Variants in ROBO1 observed in about 807,000 individuals in gnomAD.
ROBO1 encodes the protein roundabout homolog 1.
Under a neutral mutation model 195.9 loss-of-function variants are expected in ROBO1, and 149 were observed. The ratio of observed to expected loss-of-function variants is 0.76; its 90% CI spans 0.67 to 0.87. The LOEUF (loss-of-function observed/expected upper bound fraction) is 0.87, where lower values mean the gene tolerates loss of function less well. ROBO1 is among the 40% of genes least tolerant of loss of function. The probability of loss-of-function intolerance (pLI) is 0.00; values close to 1 mark genes in which losing one functional copy is unlikely to be tolerated. For missense variants in ROBO1, 1,933 were observed against 2,068.3 expected, an observed-to-expected ratio of 0.93 and a Z score of 1.27; for synonymous variants, 816 against 733.2, an observed-to-expected ratio of 1.11 and a Z score of -1.82.
In ROBO1 at chr3:79,757,732, G is replaced by C. The variant is rs181930376; in HGVS notation, c.-51+10020C>G. Among the ~76,000 whole-genome samples, 127 of 152,108 alleles carry C rather than the reference G, an allele frequency of 8.3e-4. 1 individual carries two copies. The highest frequency in any genetic ancestry group is 1.2e-3 in the Non-Finnish European group (84 of 67,978). On this transcript the variant is annotated intron_variant, in intron 1 of 30. Transcript: ENST00000464233. ...CCCTAATGGAAATTAATGTCAAATTGAATCCAATATTTGAAAAAGAGGACA... is the reference window on the plus strand; with the variant it reads ...CCCTAATGGAAATTAATGTCAAATTCAATCCAATATTTGAAAAAGAGGACA...
At chr3:79,437,281 A>G (rs1334455446) in intron 2 of ROBO1, among the ~76,000 whole-genome samples, 1 of 152,018 alleles carries the variant, frequency 6.6e-6, no homozygotes, top group Non-Finnish European at 1.5e-5. Context: ...ATATTGCCCA[A>G]GTTAATATGA....
intron 2 of ROBO1, among the ~76,000 whole-genome samples, chr3:79,291,714 C>T (rs572911575): frequency 2.0e-5 from 3 of 152,230 alleles, no homozygotes; most frequent in African/African-American, 7.2e-5. Flanking sequence ...CTTGTGAATT[C>T]TGGTTACTTT....
intron 4 of ROBO1, among the ~76,000 whole-genome samples, chr3:78,825,171 A>G (rs2031471509): frequency 6.6e-6 from 1 of 152,210 alleles, no homozygotes; most frequent in African/African-American, 2.4e-5. Context: ...AATACCCTAT[A>G]TAGTTCCCAT....
At chr3:79,013,094 C>G (rs1020291079) in intron 3 of ROBO1, among the ~76,000 whole-genome samples, 1 of 151,846 alleles carries the variant, frequency 6.6e-6, no homozygotes, top group Non-Finnish European at 1.5e-5. Flanking sequence ...GAACAGCAGT[C>G]AAGCAGAAGG....
intron 2 of ROBO1, among the ~76,000 whole-genome samples, chr3:79,531,273 T>G (rs1941650157): frequency 1.3e-5 from 2 of 152,172 alleles, no homozygotes; most frequent in African/African-American, 4.8e-5. Context: ...CTAATTTATA[T>G]TAATAAATTA....
At chr3:79,752,761 C>T (rs1704190190) in intron 1 of ROBO1, among the ~76,000 whole-genome samples, 2 of 152,106 alleles carry the variant, frequency 1.3e-5, no homozygotes, top group South Asian at 4.1e-4. Flanking sequence ...CAAAATTCCA[C>T]ACAGGAGATG....
chr3:78,984,597 G>T (rs6548603), intron 3 of ROBO1, among the ~76,000 whole-genome samples: 151,221 of 152,346 alleles, frequency 0.99, 75,059 homozygotes, highest in East Asian at 1. Context: ...CTCTCAGAGC[G>T]GTATGATGAG....
chr3:79,372,825 T>C (rs2036248070), intron 2 of ROBO1, among the ~76,000 whole-genome samples: 1 of 152,116 alleles, frequency 6.6e-6, no homozygotes, highest in Non-Finnish European at 1.5e-5. Context: ...ATGTAAAACA[T>C]AGTCTATAGA....
intron 4 of ROBO1, among the ~76,000 whole-genome samples, chr3:78,847,155 C>T (rs1356669943): frequency 1.3e-5 from 2 of 152,044 alleles, no homozygotes; most frequent in Non-Finnish European, 2.9e-5. Context: ...AGGGGAAATC[C>T]TCTTAGATTC....
chr3:78,945,739 C>G (rs149422641), intron 3 of ROBO1, among the ~76,000 whole-genome samples: 3 of 152,088 alleles, frequency 2.0e-5, no homozygotes, highest in African/African-American at 7.2e-5. Flanking sequence ...GGAGGAAATT[C>G]AAACCAATGG....
At chr3:78,814,628 A>T (rs1272589516) in intron 4 of ROBO1, among the ~76,000 whole-genome samples, 1 of 152,150 alleles carries the variant, frequency 6.6e-6, no homozygotes, top group African/African-American at 2.4e-5. Flanking sequence ...CAGCCCGCTC[A>T]TAAACGATGA....
At chr3:78,912,119 G>A (rs2038278801) in intron 4 of ROBO1, among the ~76,000 whole-genome samples, 1 of 151,992 alleles carries the variant, frequency 6.6e-6, no homozygotes, top group South Asian at 2.1e-4. Context: ...CTTTATAGAT[G>A]AGCCTAAAGA....
intron 2 of ROBO1, among the ~76,000 whole-genome samples, chr3:79,303,553 C>T (rs139936098): frequency 1.5e-4 from 23 of 152,092 alleles, no homozygotes; most frequent in Admixed American, 2.0e-4. Flanking sequence ...ATTATAGTCA[C>T]CATGTTGTAG....
intron 10 of ROBO1, among the ~76,000 whole-genome samples, chr3:78,680,218 T>C (rs2080860547): frequency 2.0e-5 from 3 of 152,010 alleles, no homozygotes; most frequent in East Asian, 1.9e-4. Flanking sequence ...AGACCTAAAA[T>C]CATAAAAACC....
At chr3:79,532,673 A>C (rs1412099063) in intron 2 of ROBO1, among the ~76,000 whole-genome samples, 1 of 152,220 alleles carries the variant, frequency 6.6e-6, no homozygotes, top group Non-Finnish European at 1.5e-5. Flanking sequence ...ATCTTCTCTG[A>C]ATCTTGAATC....
intron 3 of ROBO1, among the ~76,000 whole-genome samples, chr3:79,121,793 CTTTT>C (rs895594629): frequency 6.6e-6 from 1 of 151,776 alleles, no homozygotes. Flanking sequence ...AATTTACAGA[CTTTT>C]TTTGTTACTC....
chr3:79,208,642 T>G (rs1011413226), intron 2 of ROBO1, among the ~76,000 whole-genome samples: 2 of 151,424 alleles, frequency 1.3e-5, no homozygotes, highest in African/African-American at 4.9e-5. Context: ...AAGCAAGGGT[T>G]TGCAAGAAAG....
At chr3:78,868,175 C>T (rs775243722) in intron 4 of ROBO1, among the ~76,000 whole-genome samples, 3 of 152,098 alleles carry the variant, frequency 2.0e-5, no homozygotes, top group Non-Finnish European at 4.4e-5. Context: ...GGAAAGGGAG[C>T]ACATGGAGCT....
At chr3:79,159,032 G>A (rs935826340) in intron 2 of ROBO1, among the ~76,000 whole-genome samples, 1 of 151,876 alleles carries the variant, frequency 6.6e-6, no homozygotes, top group Admixed American at 6.6e-5. Flanking sequence ...GTTTTTGGAA[G>A]AAATAATATC....
Sources: gnomAD v4.1 joint callset for allele counts (sites outside exome capture counted in the v4.1 genomes callset) on GRCh38, gnomAD v4.1.1 for gene constraint, MANE v1.5 for transcripts, NCBI Gene and HGNC (gene_info 2026-07-23, HGNC 2026-07-21) for gene names.